Variants in PAK5 observed in about 807,000 individuals in gnomAD.
PAK5 encodes the protein serine/threonine-protein kinase PAK 5.
Under a neutral mutation model 65.9 loss-of-function variants are expected in PAK5, and 16 were observed. That is an observed-to-expected ratio of 0.24 (90% CI 0.16 to 0.37). The LOEUF (loss-of-function observed/expected upper bound fraction) is 0.37, where lower values mean the gene tolerates loss of function less well. Ranked by LOEUF, PAK5 falls within the 10% of genes least tolerant of loss-of-function variation. The probability of loss-of-function intolerance (pLI) is 1.00; values close to 1 mark genes in which losing one functional copy is unlikely to be tolerated. For missense variants in PAK5, 785 were observed against 903.9 expected (o/e 0.87, Z 1.69); for synonymous variants, 371 against 354.9 (o/e 1.05, Z -0.51).
intron 3 of PAK5, among the ~76,000 whole-genome samples, chr20:9,624,314 C>T (rs898953037): frequency 6.6e-6 from 1 of 152,108 alleles, no homozygotes; most frequent in Non-Finnish European, 1.5e-5. Context: ...CTGACATACT[C>T]AGTTTCACAT....
At chr20:9,775,543 T>G (rs2048878691) in intron 1 of PAK5, among the ~76,000 whole-genome samples, 1 of 152,272 alleles carries the variant, frequency 6.6e-6, no homozygotes, top group Non-Finnish European at 1.5e-5. Context: ...TTTTATTTTT[T>G]ATTTTATTTT....
rs1259650541 is a variant in PAK5 at position 9,580,858 on chromosome 20, A to T, written c.277T>A (p.Ser93Thr). 1 of 1,613,474 alleles carries T rather than the reference A, an allele frequency of 6.2e-7. No homozygotes were observed. Among genetic ancestry groups the T allele is most frequent in the Non-Finnish European group, 8.5e-7 (1 of 1,179,810 alleles). The change falls in exon 4 of 10, where the codon TCG (serine) becomes ACG (threonine). Residue 93 changes from serine (S) to threonine (T), a missense_variant. Physicochemically the swap from Ser to Thr is moderately conservative, Grantham distance 58. Transcript: ENST00000353224. The stretch of plus-strand genomic sequence containing the variant: ...CTTAGGGAGTTGGAGCGAGTCACCG[A>T]GATGTTGTCAAAATCCTCTAGCAGG... ...NGLLEDFDNI[S>T]VTRSNSLRKE...
At chr20:9,657,405 T>C (rs768252389) in intron 2 of PAK5, among the ~76,000 whole-genome samples, 11 of 152,110 alleles carry the variant, frequency 7.2e-5, no homozygotes, top group Admixed American at 2.6e-4. Flanking sequence ...CATTGAGGGA[T>C]AGTTTGGTTG....
intron 4 of PAK5, among the ~76,000 whole-genome samples, chr20:9,570,729 T>C (rs2045766455): frequency 6.6e-6 from 1 of 152,240 alleles, no homozygotes; most frequent in South Asian, 2.1e-4. Context: ...GACTGGCTCC[T>C]GTACTTTCAA....
intron 3 of PAK5, among the ~76,000 whole-genome samples, chr20:9,604,336 C>A (rs529660053): frequency 6.6e-6 from 1 of 152,196 alleles, no homozygotes; most frequent in South Asian, 2.1e-4. Flanking sequence ...CAAGCAATTG[C>A]GGTTTTCCTG....
At chr20:9,595,041 ATG>A (rs936551962) in intron 3 of PAK5, among the ~76,000 whole-genome samples, 2 of 151,426 alleles carry the variant, frequency 1.3e-5, no homozygotes, top group South Asian at 2.1e-4. Flanking sequence ...GTGTATTTAG[ATG>A]TGTGTGTGCA....
intron 1 of PAK5, among the ~76,000 whole-genome samples, chr20:9,814,322 T>A (rs1325350548): frequency 1.3e-5 from 2 of 152,174 alleles, no homozygotes; most frequent in Admixed American, 1.3e-4. Flanking sequence ...TTGAGTCAGT[T>A]TCATCATCAG....
At chr20:9,799,538 C>T (rs555558640) in intron 1 of PAK5, among the ~76,000 whole-genome samples, 27 of 152,192 alleles carry the variant, frequency 1.8e-4, no homozygotes, top group Non-Finnish European at 1.6e-4. Flanking sequence ...TTTCCATTCA[C>T]TTCTGTCCTG....
At chr20:9,705,239 T>TA (rs111756142) in intron 2 of PAK5, among the ~76,000 whole-genome samples, 56,647 of 149,028 alleles carry the variant, frequency 0.38, 10,997 homozygotes, top group South Asian at 0.52. Flanking sequence ...TGTGTCTAAT[T>TA]AAAAAAAAAA....
At chr20:9,650,975 C>A (rs1265941969) in intron 2 of PAK5, among the ~76,000 whole-genome samples, 2 of 152,176 alleles carry the variant, frequency 1.3e-5, no homozygotes, top group African/African-American at 2.4e-5. Context: ...GCAAGATGGG[C>A]ATTCTGTGAA....
chr20:9,698,170 G>C (rs2047893982), intron 2 of PAK5, among the ~76,000 whole-genome samples: 1 of 151,952 alleles, frequency 6.6e-6, no homozygotes, highest in African/African-American at 2.4e-5. Context: ...AGAATAAGAG[G>C]GAAAAGTGGT....
intron 3 of PAK5, among the ~76,000 whole-genome samples, chr20:9,631,514 A>C (rs749967856): frequency 1.3e-5 from 2 of 152,170 alleles, no homozygotes; most frequent in Non-Finnish European, 2.9e-5. Context: ...ATTCTGACTA[A>C]ATAAGCTTGG....
At chr20:9,590,888 G>A (rs2046158611) in intron 3 of PAK5, among the ~76,000 whole-genome samples, 1 of 152,206 alleles carries the variant, frequency 6.6e-6, no homozygotes, top group Non-Finnish European at 1.5e-5. Flanking sequence ...GACTGGCCAA[G>A]TTCTTGCTGG....
intron 1 of PAK5, among the ~76,000 whole-genome samples, chr20:9,827,604 T>C (rs528654988): frequency 6.8e-6 from 1 of 146,780 alleles, no homozygotes; most frequent in South Asian, 2.2e-4. Flanking sequence ...TCCAGAACCA[T>C]GTGGGAGGAT....
intron 3 of PAK5, among the ~76,000 whole-genome samples, chr20:9,630,989 G>A (rs1401494918): frequency 6.6e-6 from 1 of 152,128 alleles, no homozygotes; most frequent in Non-Finnish European, 1.5e-5. Flanking sequence ...AAGGAATTGT[G>A]CCCCAACAGC....
intron 1 of PAK5, among the ~76,000 whole-genome samples, chr20:9,719,039 A>G (rs1259143516): frequency 6.6e-6 from 1 of 152,154 alleles, no homozygotes; most frequent in East Asian, 1.9e-4. Context: ...TACATGATAA[A>G]ATATTTATAG....
At chr20:9,664,536 C>T (rs987728159) in intron 2 of PAK5, among the ~76,000 whole-genome samples, 5 of 152,308 alleles carry the variant, frequency 3.3e-5, no homozygotes, top group African/African-American at 1.2e-4. Context: ...CAGACACAAA[C>T]ATTTTGATTA....
At position 9,593,604 on chromosome 20, in the gene PAK5, G is replaced by A. The variant is rs182269079; in HGVS notation, c.205-12674C>T. 5.2e-4 allele frequency among the ~76,000 whole-genome samples: 79 copies of A among 152,254 alleles called. No individual in the cohort carries two copies. In the East Asian group the frequency reaches 0.014, roughly 27 times the overall value. ...ACTCCCCGGACAGGCCCCGGTGTGCGATGTTCCCCTCCCTGTCTCCATTTG... is the reference window on the plus strand; with the variant it reads ...ACTCCCCGGACAGGCCCCGGTGTGCAATGTTCCCCTCCCTGTCTCCATTTG... On this transcript the variant is annotated intron_variant, in intron 3 of 9. Coordinates refer to ENST00000353224, the MANE Select transcript of PAK5 (RefSeq NM_177990.4).
At chr20:9,639,719 T>C (rs2047026769) in intron 3 of PAK5, among the ~76,000 whole-genome samples, 1 of 152,240 alleles carries the variant, frequency 6.6e-6, no homozygotes, top group South Asian at 2.1e-4. Context: ...GGAAAGCCCA[T>C]ACTAGTGAGT....
Sources: gnomAD v4.1 joint callset for allele counts (sites outside exome capture counted in the v4.1 genomes callset) on GRCh38, gnomAD v4.1.1 for gene constraint, MANE v1.5 for transcripts, NCBI Gene and HGNC (gene_info 2026-07-23, HGNC 2026-07-21) for gene names.